TULP3: variants seen among roughly 807,000 people sequenced by gnomAD.
TULP3 encodes tubby-related protein 3.
TULP3 carries 38 observed loss-of-function variants against 50.7 expected under a neutral mutation model. The ratio of observed to expected loss-of-function variants is 0.75; its 90% CI spans 0.58 to 0.98. The LOEUF is 0.98. TULP3 is among the 50% of genes least tolerant of loss of function. The probability of loss-of-function intolerance (pLI) is 0.00; values close to 1 mark genes in which losing one functional copy is unlikely to be tolerated. For missense variants in TULP3, 550 were observed against 568.0 expected (o/e 0.97, Z 0.32); for synonymous variants, 183 against 196.6 (o/e 0.93, Z 0.58).
chr12:2,930,943 A>G, intron 5 of TULP3, 94 bp from the exon 6 acceptor site: 3 of 1,365,980 alleles, frequency 2.2e-6, no homozygotes, highest in Non-Finnish European at 3.1e-6. Flanking sequence ...GACACGGGTA[A>G]ATTACTAAGT....
chr12:2,892,324 T>G (rs2098172625), intron 1 of TULP3, among the ~76,000 whole-genome samples: 1 of 152,030 alleles, frequency 6.6e-6, no homozygotes, highest in Non-Finnish European at 1.5e-5. Flanking sequence ...GTAGAGGAGA[T>G]AAAGTTAGTA....
intron 1 of TULP3, among the ~76,000 whole-genome samples, chr12:2,891,764 G>T (rs1030065650): frequency 6.6e-6 from 1 of 152,122 alleles, no homozygotes; most frequent in Admixed American, 6.6e-5. Context: ...CCAAGACAAA[G>T]ATTTGGGGCC....
chr12:2,918,139 A>G (rs557591584), intron 2 of TULP3, among the ~76,000 whole-genome samples: 2 of 152,218 alleles, frequency 1.3e-5, no homozygotes, highest in Admixed American at 6.5e-5. Context: ...GTTTTGAGAC[A>G]GTCTCGCTCT....
At chr12:2,933,703 C>A (rs550600917) in intron 7 of TULP3, among the ~76,000 whole-genome samples, 173 bp downstream of exon 7, 1 of 151,934 alleles carries the variant, frequency 6.6e-6, no homozygotes, top group Non-Finnish European at 1.5e-5. Flanking sequence ...GTAATCCCAG[C>A]ACTTTGAGAG....
At chr12:2,929,244 G>A (rs1030050956) in intron 4 of TULP3, among the ~76,000 whole-genome samples, 4 of 151,934 alleles carry the variant, frequency 2.6e-5, no homozygotes, top group Non-Finnish European at 4.4e-5. Flanking sequence ...GTGAACCCGG[G>A]AGGCGGAGCT....
At chr12:2,924,220 T>C (rs1314708599) in intron 4 of TULP3, among the ~76,000 whole-genome samples, 1 of 152,116 alleles carries the variant, frequency 6.6e-6, no homozygotes, top group Non-Finnish European at 1.5e-5. Context: ...TTTGAGCTAG[T>C]GCCTGACTCA....
At chr12:2,895,694 A>C (rs1306565533) in intron 1 of TULP3, among the ~76,000 whole-genome samples, 1 of 152,156 alleles carries the variant, frequency 6.6e-6, no homozygotes, top group Non-Finnish European at 1.5e-5. Flanking sequence ...CACTCTATAC[A>C]GTTATTTGCC....
chr12:2,933,465 C>G lies in TULP3; in HGVS notation c.744C>G (p.Asn248Lys). The change falls in exon 7 of 11, where the codon AAC becomes AAG. Residue 248 changes from asparagine to lysine, a missense_variant. Asn to Lys is a moderately conservative substitution (Grantham distance 94). Transcript: ENST00000448120. ...ARKRKKSKTA[N>K]YLISIDPVDL... ...AGCGGAAAAAGAGCAAAACAGCCAA[C>G]TACCTTATCTCCATTGATCCAGTTG... 1 of 1,614,056 alleles carries G rather than the reference C, an allele frequency of 6.2e-7. No homozygotes were observed. The highest frequency in any genetic ancestry group is 8.5e-7 in the Non-Finnish European group (1 of 1,179,970).
intron 6 of TULP3, 117 bp from the exon 7 acceptor site, chr12:2,933,301 T>C: frequency 1.6e-6 from 1 of 644,514 alleles, no homozygotes; most frequent in Non-Finnish European, 2.8e-6. Context: ...ATTAACAGCT[T>C]GACATATGCT....
At chr12:2,925,383 G>C (rs1337626862) in intron 4 of TULP3, among the ~76,000 whole-genome samples, 2 of 152,142 alleles carry the variant, frequency 1.3e-5, no homozygotes, top group Non-Finnish European at 2.9e-5. Context: ...GCACAGGCAG[G>C]GGAGATGCAG....
intron 3 of TULP3, 21 bp from the exon 4 acceptor site, chr12:2,922,241 T>G: frequency 6.2e-7 from 1 of 1,603,110 alleles, no homozygotes; most frequent in South Asian, 1.1e-5. Context: ...TTTTTAAAAT[T>G]CATTTTATTT....
Position 2,927,951 on chromosome 12 carries a change from A to G in TULP3, c.395-2297A>G, listed in dbSNP as rs929927799. Among the ~76,000 whole-genome samples the G allele has an allele frequency of 2.6e-5, 4 of 152,012 alleles. No individual in the cohort carries two copies. In the East Asian group the frequency reaches 7.7e-4, roughly 29 times the overall value. The stretch of plus-strand genomic sequence containing the variant: ...GAGAAATGATTCTTCCTGAGCCTGT[A>G]CTCCCACATATAAATCTGAGGCTCG... On this transcript the variant is annotated intron_variant, in intron 4 of 10. Transcript: ENST00000448120.
At chr12:2,910,535 G>A (rs548936391) in intron 2 of TULP3, among the ~76,000 whole-genome samples, 10 of 152,242 alleles carry the variant, frequency 6.6e-5, no homozygotes, top group African/African-American at 1.9e-4. Context: ...AGCTTAGAAC[G>A]TATACCCAAC....
In TULP3 at chr12:2,913,160, A is replaced by G. The variant is rs140884306; in HGVS notation, c.93+3580A>G. On this transcript the variant is annotated intron_variant, in intron 2 of 10. Transcript: ENST00000448120. ...TGGGTGTGAAGTGGTATCTCATTGT[A>G]GTTTTGATTTGCATTACCCTAATGA... 5.6e-3 allele frequency among the ~76,000 whole-genome samples: 828 copies of G among 148,262 alleles called. 4 individuals are homozygous for G. Among genetic ancestry groups the G allele is most frequent in the Middle Eastern group, 0.014 (4 of 286 alleles).
intron 1 of TULP3, among the ~76,000 whole-genome samples, chr12:2,892,632 C>A (rs1437127886): frequency 6.6e-6 from 1 of 152,030 alleles, no homozygotes; most frequent in East Asian, 1.9e-4. Context: ...CTGCCTCAGC[C>A]TCCTGAGTAG....
At chr12:2,919,183 C>A (rs1250474220) in intron 2 of TULP3, among the ~76,000 whole-genome samples, 2 of 151,988 alleles carry the variant, frequency 1.3e-5, no homozygotes, top group African/African-American at 4.8e-5. Flanking sequence ...TGAGCCACTG[C>A]GCCCGGCTGC....
rs370807886 is a variant in TULP3 at position 2,903,353 on chromosome 12, G to T, written c.42-6176G>T. ...TGAGGCGGGTGGATCACCTGAGGTCGGGAGTTCAAGTCCAGCCAGACCAAC... is the reference window on the plus strand; with the variant it reads ...TGAGGCGGGTGGATCACCTGAGGTCTGGAGTTCAAGTCCAGCCAGACCAAC... On this transcript the variant is annotated intron_variant, in intron 1 of 10. Coordinates refer to ENST00000448120, the MANE Select transcript of TULP3 (RefSeq NM_003324.5). 3.3e-5 allele frequency among the ~76,000 whole-genome samples: 5 copies of T among 151,570 alleles called. No homozygotes were observed. The East Asian group carries it at 7.8e-4, about 24-fold the overall frequency.
chr12:2,923,202 C>A (rs1759743263), intron 4 of TULP3, among the ~76,000 whole-genome samples: 1 of 152,140 alleles, frequency 6.6e-6, no homozygotes, highest in Admixed American at 6.6e-5. Context: ...ATCCCCTTTG[C>A]AGATGAGAAA....
At chr12:2,894,330 G>A (rs2098174152) in intron 1 of TULP3, among the ~76,000 whole-genome samples, 1 of 151,532 alleles carries the variant, frequency 6.6e-6, no homozygotes, top group African/African-American at 2.4e-5. Context: ...GAGGTCACGA[G>A]TTCAAGACCA....
Sources: allele counts gnomAD v4.1 joint callset (sites outside exome capture counted in the v4.1 genomes callset), GRCh38; gene constraint gnomAD v4.1.1; transcripts MANE v1.5; gene names NCBI Gene and HGNC (gene_info 2026-07-23, HGNC 2026-07-21).